Variants in C2CD5 observed in about 807,000 individuals in gnomAD.
The protein encoded by C2CD5 is C2 domain-containing protein 5.
Under a neutral mutation model 130.3 loss-of-function variants are expected in C2CD5, and 109 were observed. That is an observed-to-expected ratio of 0.84 (90% CI 0.72 to 0.98). The LOEUF is 0.98. Among genes scored for constraint, C2CD5 ranks in the 50% least tolerant of loss-of-function variants. The probability of loss-of-function intolerance (pLI) is 0.00; values close to 1 mark genes in which losing one functional copy is unlikely to be tolerated. For synonymous variants in C2CD5, 454 were observed against 429.2 expected, an observed-to-expected ratio of 1.06 and a Z score of -0.71; for missense variants, 996 against 1,261.8, an observed-to-expected ratio of 0.79 and a Z score of 3.19.
rs1471558543 is a variant in C2CD5 at position 22,506,801 on chromosome 12, A to G, written c.1057T>C (p.Leu353=). Residue 353 remains leucine (L), a synonymous_variant, in exon 10 of 27, where the codon TTG becomes CTG. Transcript: ENST00000446597. ...AGGAATCCAGGAGGAAATGCCGTCA[A>G]GGTAAAAAATGGAAATTCCTAGTGG... ...LEQREFPFFT[L]TAFPPGFLVH... 5 of 1,607,814 alleles carry G rather than the reference A, an allele frequency of 3.1e-6. No individual in the cohort carries two copies. The South Asian group carries it at 5.5e-5, about 18-fold the overall frequency.
chr12:22,479,388 A>T (rs1436367868), intron 14 of C2CD5, among the ~76,000 whole-genome samples: 9 of 151,884 alleles, frequency 5.9e-5, no homozygotes, highest in Non-Finnish European at 1.2e-4. Flanking sequence ...CTCATAATTT[A>T]AAAAAATATA....
chr12:22,525,614 A>T lies in C2CD5; in HGVS notation c.441T>A (p.Phe147Leu). The T allele has an allele frequency of 6.8e-7, 1 of 1,466,836 alleles. No homozygotes were observed. The allele number at this position is 1,466,836 out of a possible 1,614,324, so 90.9% of individuals were successfully genotyped here. A position where few individuals can be genotyped will look rare whatever the true frequency, so the allele number is the denominator to read the frequency against. ...FRQSSCGVKF[F>L]CTTSIPKCYR... Reference sequence around the variant, plus strand: ...TAATAGAATGTATTTACTTACTGCAAAAGAATTTGACTCCACATGATGACT... The same window carrying T: ...TAATAGAATGTATTTACTTACTGCATAAGAATTTGACTCCACATGATGACT... The change falls in exon 5 of 27, where the codon TTT becomes TTA. Residue 147 changes from phenylalanine to leucine, a missense_variant. Coordinates refer to ENST00000446597, the MANE Select transcript of C2CD5 (RefSeq NM_001286176.2).
At chr12:22,475,176 C>T (rs550976124) in intron 15 of C2CD5, among the ~76,000 whole-genome samples, 2 of 152,054 alleles carry the variant, frequency 1.3e-5, no homozygotes, top group Non-Finnish European at 2.9e-5. Context: ...AATTGGCAGT[C>T]CTTACAGCTC....
At chr12:22,530,298 A>G (rs1389717363) in intron 3 of C2CD5, among the ~76,000 whole-genome samples, 2 of 149,818 alleles carry the variant, frequency 1.3e-5, no homozygotes, top group African/African-American at 4.9e-5. Context: ...ATATATATTT[A>G]AAACTGAATA....
Position 22,458,556 on chromosome 12 carries a change from C to T in C2CD5, c.2614G>A (p.Asp872Asn). Residue 872 changes from aspartate to asparagine, a missense_variant, in exon 24 of 27, where the codon GAC (aspartate) becomes AAC (asparagine). This residue lies in a region of C2CD5 where 590 missense variants were observed against 631.4 expected (regional missense o/e 0.93). Transcript: ENST00000446597. ...ATSVDYSSFA[D>N]RCSSWIELIK... ...AGCTCTATCCAGCTGCTGCATCTGT[C>T]TGCAAAGGAACTGTAATCAACTGAC... 2 of 1,296,934 alleles carry T rather than the reference C, an allele frequency of 1.5e-6. No homozygotes were observed. Among genetic ancestry groups the T allele is most frequent in the Non-Finnish European group, 2.0e-6 (2 of 1,020,774 alleles). 80.3% of individuals were successfully genotyped at this position (1,296,934 alleles called of 1,614,324 possible).
chr12:22,535,370 CAT>C, intron 2 of C2CD5, 26 bp from the exon 3 acceptor site: 1 of 1,176,490 alleles, frequency 8.5e-7, no homozygotes, highest in Non-Finnish European at 1.3e-6. Context: ...AAATTATTCA[CAT>C]ATGAATATCA....
At chr12:22,464,405 C>G (rs771278928) in intron 22 of C2CD5, among the ~76,000 whole-genome samples, 4 of 152,128 alleles carry the variant, frequency 2.6e-5, no homozygotes, top group Non-Finnish European at 5.9e-5. Context: ...CCAAATAATC[C>G]GTTTTCTGTC....
intron 12 of C2CD5, 68 bp from the exon 13 acceptor site, chr12:22,484,956 T>C (rs1379522708): frequency 1.4e-6 from 1 of 705,166 alleles, no homozygotes; most frequent in Non-Finnish European, 2.2e-6. Flanking sequence ...AATAATTATG[T>C]AACTGATATT....
At chr12:22,483,000 CAAT>C (rs1193834346) in intron 13 of C2CD5, among the ~76,000 whole-genome samples, 1 of 151,996 alleles carries the variant, frequency 6.6e-6, no homozygotes, top group East Asian at 1.9e-4. Flanking sequence ...TATCTACAGT[CAAT>C]AATAATTGTA....
At chr12:22,510,012 C>T (rs1481368765) in intron 9 of C2CD5, among the ~76,000 whole-genome samples, 2 of 152,074 alleles carry the variant, frequency 1.3e-5, no homozygotes, top group Non-Finnish European at 2.9e-5. Context: ...CAAGACCAGC[C>T]TGGTCAACAT....
At position 22,493,316 on chromosome 12, in the gene C2CD5, GC is replaced by G. The variant is rs766318965; in HGVS notation, c.1168del (p.Ala390HisfsTer10). On this transcript the variant is annotated frameshift_variant, in exon 11 of 27. Transcript: ENST00000446597. LOFTEE classifies it high-confidence loss of function. Reference sequence around the variant, plus strand: ...TTCTTGTCTGATTTCTGCCCACCATGCATCTCGAGTTTCTGGTTCATCTGAA... The same window carrying G: ...TTCTTGTCTGATTTCTGCCCACCATGATCTCGAGTTTCTGGTTCATCTGAA... ...HNPDEPETRD[A>X]WWAEIRQEIK... The G allele has an allele frequency of 1.9e-6, 3 of 1,608,110 alleles. No individual in the cohort carries two copies. The highest frequency in any genetic ancestry group is 2.6e-6 in the Non-Finnish European group (3 of 1,176,234).
intron 10 of C2CD5, among the ~76,000 whole-genome samples, chr12:22,505,411 C>T (rs1253193528): frequency 1.3e-5 from 2 of 152,028 alleles, no homozygotes; most frequent in African/African-American, 4.8e-5. Flanking sequence ...TGCCTGCCAC[C>T]ACGCTCAGCT....
chr12:22,471,934 G>T (rs746253988), intron 19 of C2CD5, 33 bp downstream of exon 19: 7 of 1,076,814 alleles, frequency 6.5e-6, no homozygotes, highest in East Asian at 2.4e-5. Context: ...TATTATAGAC[G>T]CATGAAATAA....
chr12:22,479,686 T>C (rs1944424685), intron 14 of C2CD5, among the ~76,000 whole-genome samples: 1 of 152,154 alleles, frequency 6.6e-6, no homozygotes, highest in African/African-American at 2.4e-5. Flanking sequence ...ACAGATTTAT[T>C]TTAAATATCT....
chr12:22,524,571 GTTC>G lies in C2CD5; in HGVS notation c.499_501del (p.Glu167del). On this transcript the variant is annotated inframe_deletion, in exon 6 of 27. Coordinates refer to ENST00000446597, the MANE Select transcript of C2CD5 (RefSeq NM_001286176.2). The stretch of plus-strand genomic sequence containing the variant: ...TATTCTGGGTCTTCATTGACCACAA[GTTC>G]TTCTACAAATCCATGAATTATCACA... The G allele has an allele frequency of 1.2e-6, 2 of 1,613,200 alleles. No homozygotes were observed.
chr12:22,490,160 G>A lies in C2CD5; in HGVS notation c.1321C>T (p.Leu441=), dbSNP rs760071829. ...GTAAVLNPRF[L]QDGTVEGCLE... is the part of the protein sequence containing the mutation. ...CAGCCTTCCACGGTGCCATCCTGCA[G>A]AAATCTAGGATTCAGTACAGCCGCT... The change falls in exon 12 of 27, where the codon CTG becomes TTG. Residue 441 remains leucine, a synonymous_variant. Transcript: ENST00000446597. 6.2e-7 allele frequency: 1 copy of A among 1,613,712 alleles called. No individual in the cohort carries two copies. Among genetic ancestry groups the A allele is most frequent in the Non-Finnish European group, 8.5e-7 (1 of 1,179,718 alleles).
At chr12:22,503,180 T>C (rs1948027548) in intron 10 of C2CD5, among the ~76,000 whole-genome samples, 2 of 152,146 alleles carry the variant, frequency 1.3e-5, no homozygotes, top group Non-Finnish European at 2.9e-5. Context: ...ATAGTGAGAA[T>C]GAAACAAAAA....
At chr12:22,523,683 C>T (rs879110454) in intron 6 of C2CD5, 59 bp from the exon 7 acceptor site, 2 of 1,272,744 alleles carry the variant, frequency 1.6e-6, no homozygotes, top group African/African-American at 1.5e-5. Flanking sequence ...TACTATAAGA[C>T]TGGACATGGT....
At chr12:22,453,532 A>C (rs140625303) in intron 26 of C2CD5, among the ~76,000 whole-genome samples, 2 of 152,310 alleles carry the variant, frequency 1.3e-5, no homozygotes, top group African/African-American at 4.8e-5. Context: ...TATACTCTTC[A>C]TTAGTAAGGC....
Sources: gnomAD v4.1 joint callset for allele counts (sites outside exome capture counted in the v4.1 genomes callset) on GRCh38, gnomAD v4.1.1 for gene constraint, gnomAD v4.1.1 regional missense constraint, MANE v1.5 for transcripts, NCBI Gene and HGNC (gene_info 2026-07-23, HGNC 2026-07-21) for gene names.